SUMF1: variants seen among roughly 807,000 people sequenced by gnomAD.
SUMF1 encodes sulfatase modifying factor 1.
Under a neutral mutation model 47.6 loss-of-function variants are expected in SUMF1, and 48 were observed. The ratio of observed to expected loss-of-function variants is 1.01; its 90% confidence interval spans 0.80 to 1.28. The LOEUF is 1.28. Among genes scored for constraint, SUMF1 ranks in the 50% most tolerant of loss-of-function variants. The probability of loss-of-function intolerance (pLI) is 0.00; values close to 1 mark genes in which losing one functional copy is unlikely to be tolerated. For missense variants in SUMF1, 571 were observed against 485.4 expected, an observed-to-expected ratio of 1.18 and a Z score of -1.66; for synonymous variants, 230 against 192.1, an observed-to-expected ratio of 1.20 and a Z score of -1.63.
At chr3:4,099,671 G>T (rs200516633) in intron 8 of SUMF1, among the ~76,000 whole-genome samples, 1 of 152,012 alleles carries the variant, frequency 6.6e-6, no homozygotes, top group Non-Finnish European at 1.5e-5. Context: ...AATTGAAATT[G>T]TCTGTTTGCT....
intron 8 of SUMF1, among the ~76,000 whole-genome samples, chr3:4,098,129 C>T (rs1559468306): frequency 6.6e-6 from 1 of 152,082 alleles, no homozygotes; most frequent in African/African-American, 2.4e-5. Context: ...CTGCTTTTAT[C>T]TTTAATGCTA....
At chr3:4,273,534 G>A (rs1697345414) in intron 8 of SUMF1, among the ~76,000 whole-genome samples, 2 of 151,988 alleles carry the variant, frequency 1.3e-5, no homozygotes, top group Admixed American at 1.3e-4. Context: ...GACTGAAAAT[G>A]TCATGAGCAA....
At chr3:4,431,224 T>G (rs772350738) in intron 3 of SUMF1, among the ~76,000 whole-genome samples, 13 of 152,150 alleles carry the variant, frequency 8.5e-5, no homozygotes, top group Non-Finnish European at 1.8e-4. Context: ...AAGCCAAGCT[T>G]TAAGTCAAAG....
chr3:4,399,353 G>A (rs563890006), intron 7 of SUMF1, among the ~76,000 whole-genome samples: 2 of 152,228 alleles, frequency 1.3e-5, no homozygotes, highest in Admixed American at 1.3e-4. Flanking sequence ...GAAGGGCTTG[G>A]GGGCCATCTT....
intron 8 of SUMF1, among the ~76,000 whole-genome samples, chr3:4,169,647 CA>C (rs1300920826): frequency 6.6e-6 from 1 of 152,174 alleles, no homozygotes; most frequent in Non-Finnish European, 1.5e-5. Context: ...GAAGCCCTAA[CA>C]AACTAATGCA....
At chr3:4,193,847 T>C (rs1361866857) in intron 8 of SUMF1, among the ~76,000 whole-genome samples, 1 of 152,102 alleles carries the variant, frequency 6.6e-6, no homozygotes, top group Non-Finnish European at 1.5e-5. Flanking sequence ...GAGTTGATAA[T>C]AATGCCTACT....
intron 8 of SUMF1, among the ~76,000 whole-genome samples, chr3:4,081,949 C>G (rs1160147204): frequency 6.6e-6 from 1 of 152,028 alleles, no homozygotes; most frequent in Non-Finnish European, 1.5e-5. Context: ...ATACTGAAAG[C>G]CTTAACACAA....
chr3:4,182,169 T>C (rs906438530), intron 8 of SUMF1, among the ~76,000 whole-genome samples: 2 of 152,074 alleles, frequency 1.3e-5, no homozygotes, highest in Non-Finnish European at 2.9e-5. Context: ...ATACAAGGTG[T>C]AAATAATGAT....
chr3:4,316,792 C>G (rs115195721), intron 8 of SUMF1: 2 of 1,550,644 alleles, frequency 1.3e-6, no homozygotes, highest in East Asian at 4.9e-5. Flanking sequence ...GTCATGGTCA[C>G]TATTTGGTGG....
In SUMF1 at chr3:4,346,862, T is replaced by C. The variant is rs142823603; in HGVS notation, c.1014+29468A>G. On this transcript the variant is annotated intron_variant and NMD_transcript_variant, in intron 8 of 12. Transcript: ENST00000448413. ...ATGATAAAGGGGATATCACCACTGA[T>C]CCCTCAGAATTACAAACTACCATCA... Among the ~76,000 whole-genome samples, 733 of 152,200 alleles carry C rather than the reference T, an allele frequency of 4.8e-3. 7 individuals are homozygous for C. Among genetic ancestry groups the C allele is most frequent in the African/African-American group, 0.017 (707 of 41,518 alleles).
chr3:4,138,592 C>A (rs1693999716), intron 8 of SUMF1, among the ~76,000 whole-genome samples: 1 of 152,080 alleles, frequency 6.6e-6, no homozygotes, highest in South Asian at 2.1e-4. Context: ...CCCTAGTTGG[C>A]AATACCCTTT....
intron 8 of SUMF1, among the ~76,000 whole-genome samples, chr3:4,338,015 T>A (rs900643207): frequency 6.6e-6 from 1 of 152,186 alleles, no homozygotes; most frequent in African/African-American, 2.4e-5. Context: ...CTCCCCTCTA[T>A]CCCAACTTGC....
At chr3:4,051,420 C>T (rs1290681443) in intron 9 of SUMF1, among the ~76,000 whole-genome samples, 3 of 152,158 alleles carry the variant, frequency 2.0e-5, no homozygotes, top group Admixed American at 6.5e-5. Context: ...CCTTCCTGCT[C>T]CTCTACTGTC....
intron 8 of SUMF1, among the ~76,000 whole-genome samples, chr3:4,288,671 A>G (rs529031729): frequency 1.3e-5 from 2 of 152,140 alleles, no homozygotes; most frequent in East Asian, 3.9e-4. Context: ...GGTGGCATGC[A>G]CCTGTAATCC....
chr3:4,329,982 C>G (rs1699018374), intron 8 of SUMF1, among the ~76,000 whole-genome samples: 1 of 152,152 alleles, frequency 6.6e-6, no homozygotes, highest in African/African-American at 2.4e-5. Flanking sequence ...GTTCAAAGTT[C>G]TGCAAATCTA....
At chr3:4,180,770 CT>C (rs1275395779) in intron 8 of SUMF1, among the ~76,000 whole-genome samples, 2 of 150,178 alleles carry the variant, frequency 1.3e-5, no homozygotes, top group African/African-American at 4.9e-5. Context: ...GAAAGATCAC[CT>C]TAGCCTGGGA....
chr3:4,116,956 C>G (rs1345982295), intron 8 of SUMF1, among the ~76,000 whole-genome samples: 2 of 152,006 alleles, frequency 1.3e-5, no homozygotes, highest in Admixed American at 1.3e-4. Context: ...AGTTTGCAAA[C>G]AGCTAATGAA....
chr3:4,120,759 C>A (rs1403475632), intron 8 of SUMF1, among the ~76,000 whole-genome samples: 1 of 152,116 alleles, frequency 6.6e-6, no homozygotes, highest in African/African-American at 2.4e-5. Flanking sequence ...ATACTCTACC[C>A]CTCCTTCAAC....
At chr3:4,102,229 C>A (rs1038396194) in intron 8 of SUMF1, among the ~76,000 whole-genome samples, 1 of 152,100 alleles carries the variant, frequency 6.6e-6, no homozygotes, top group African/African-American at 2.4e-5. Flanking sequence ...TAAATCTATA[C>A]AAAGACCTGA....
Sources: gnomAD v4.1 joint callset for allele counts (sites outside exome capture counted in the v4.1 genomes callset) on GRCh38, gnomAD v4.1.1 for gene constraint, MANE v1.5 for transcripts, NCBI Gene and HGNC (gene_info 2026-07-23, HGNC 2026-07-21) for gene names.